ECT2L: variants seen among roughly 807,000 people sequenced by gnomAD.
ECT2L encodes epithelial cell transforming 2 like.
A neutral mutation model predicts 122.8 loss-of-function variants in ECT2L; 126 were observed. The ratio of observed to expected loss-of-function variants is 1.03; its 90% CI spans 0.89 to 1.19. The LOEUF (loss-of-function observed/expected upper bound fraction) is 1.19, where lower values mean the gene tolerates loss of function less well. Ranked by LOEUF, ECT2L falls within the 50% of genes most tolerant of loss-of-function variation. ECT2L has a pLI of 0.00. For missense variants in ECT2L, 1,012 were observed against 1,064.1 expected, an observed-to-expected ratio of 0.95 and a Z score of 0.68; for synonymous variants, 385 against 381.8, an observed-to-expected ratio of 1.01 and a Z score of -0.10.
chr6:138,900,142 T>C (rs966114056), intron 20 of ECT2L, among the ~76,000 whole-genome samples: 1 of 152,240 alleles, frequency 6.6e-6, no homozygotes, highest in Non-Finnish European at 1.5e-5. Flanking sequence ...CAATCAAAAG[T>C]AAAAATGTTT....
intron 12 of ECT2L, among the ~76,000 whole-genome samples, chr6:138,866,239 C>A (rs753874854): frequency 4.0e-5 from 6 of 151,584 alleles, no homozygotes; most frequent in Non-Finnish European, 8.8e-5. Context: ...ACCTCTGCCT[C>A]CCAGTTCAAG....
In ECT2L at chr6:138,843,016, G is replaced by A; in HGVS notation, c.380G>A (p.Trp127Ter). The change falls in exon 6 of 22, where the codon TGG becomes TAG. Residue 127 changes from tryptophan (W) to a stop codon, truncating the protein, a stop_gained. Transcript: ENST00000541398. LOFTEE classifies it high-confidence loss of function. ...LWMPKCVKFGWFLPYTPTDNE... is the reference protein window; with the variant it reads ...LWMPKCVKFG ...ATGCCCAAATGCGTTAAGTTCGGAT[G>A]GTTTCTGCCCTATACTCCAACAGAT... 6.4e-7 allele frequency: 1 copy of A among 1,571,240 alleles called. No homozygotes were observed. The highest frequency in any genetic ancestry group is 1.2e-5 in the South Asian group (1 of 85,284).
chr6:138,854,828 T>C (rs1370531584), intron 10 of ECT2L, among the ~76,000 whole-genome samples: 1 of 152,202 alleles, frequency 6.6e-6, no homozygotes, highest in Non-Finnish European at 1.5e-5. Context: ...TGATTCAAAG[T>C]TGACTTCTAT....
intron 10 of ECT2L, among the ~76,000 whole-genome samples, chr6:138,855,473 C>T (rs914143175): frequency 1.3e-5 from 2 of 152,224 alleles, no homozygotes; most frequent in South Asian, 4.1e-4. Context: ...CGCACCACTA[C>T]ACTCCAGCCT....
intron 12 of ECT2L, among the ~76,000 whole-genome samples, chr6:138,866,715 T>G (rs1320961091): frequency 6.6e-6 from 1 of 152,208 alleles, no homozygotes; most frequent in Non-Finnish European, 1.5e-5. Context: ...TAAAAATATT[T>G]TAAAAATTAA....
rs772503814 is a variant in ECT2L, at chr6:138,843,130, G to A, written c.494G>A (p.Gly165Glu). Residue 165 changes from glycine to glutamate, a missense_variant, in exon 6 of 22, where the codon GGG (glycine) becomes GAG (glutamate). Coordinates refer to ENST00000541398, the MANE Select transcript of ECT2L (RefSeq NM_001077706.3). ...CCTAGGGAGGCTGCTGCTACTTATG[G>A]GACGCTGAATGAACCCAAAACAGAA... is the stretch of plus-strand genomic sequence containing the variant. ...LTPREAAATY[G>E]TLNEPKTEDE... is the part of the protein sequence containing the mutation. 3.0e-5 allele frequency: 49 copies of A among 1,613,930 alleles called. No homozygotes were observed. Among genetic ancestry groups the A allele is most frequent in the Non-Finnish European group, 4.0e-5 (47 of 1,179,972 alleles).
chr6:138,882,749 A>G lies in ECT2L; in HGVS notation c.1906A>G (p.Arg636Gly), dbSNP rs1261848516. Residue 636 changes from arginine to glycine, a missense_variant, in exon 16 of 22, where the codon AGA becomes GGA. Coordinates refer to ENST00000541398, the MANE Select transcript of ECT2L (RefSeq NM_001077706.3). ...GCAGTTTCTAGATAACCTGAGAGAC[A>G]GACTGCAGGAATGGGGCCCAGCTCA... ...NRQFLDNLRD[R>G]LQEWGPAHCV... 6.2e-7 allele frequency: 1 copy of G among 1,614,186 alleles called. No homozygotes were observed. Among genetic ancestry groups the G allele is most frequent in the East Asian group, 2.2e-5 (1 of 44,888 alleles).
At chr6:138,851,944 G>T (rs1291171487) in intron 9 of ECT2L, among the ~76,000 whole-genome samples, 1 of 152,126 alleles carries the variant, frequency 6.6e-6, no homozygotes, top group Non-Finnish European at 1.5e-5. Flanking sequence ...CAAAGGAAAG[G>T]AATGGCTGAT....
intron 14 of ECT2L, chr6:138,878,841 AG>A (rs1455243401): frequency 2.0e-5 from 3 of 152,436 alleles, no homozygotes; most frequent in African/African-American, 7.2e-5. Context: ...CCATACCATT[AG>A]CCACTAATTT....
chr6:138,900,796 G>A (rs1779370586), intron 20 of ECT2L, 152 bp from the exon 21 acceptor site: 3 of 805,316 alleles, frequency 3.7e-6, no homozygotes, highest in African/African-American at 3.5e-5. Flanking sequence ...ACATCAGGAG[G>A]AATATTATAC....
chr6:138,817,555 C>T (rs1776111897), intron 4 of ECT2L, among the ~76,000 whole-genome samples: 1 of 152,122 alleles, frequency 6.6e-6, no homozygotes, highest in African/African-American at 2.4e-5. Context: ...TTAATTCAGT[C>T]AGTTATAAAC....
chr6:138,821,543 C>T (rs1392420725), intron 4 of ECT2L, among the ~76,000 whole-genome samples: 2 of 152,216 alleles, frequency 1.3e-5, no homozygotes, highest in Non-Finnish European at 2.9e-5. Flanking sequence ...TTGGCCTGTA[C>T]CTTGATCATG....
rs1303362621 is a variant in ECT2L at position 138,903,646 on chromosome 6, A to G, written c.*1019A>G. 2 of 152,226 alleles carry G rather than the reference A, an allele frequency of 1.3e-5. No homozygotes were observed. Among genetic ancestry groups the G allele is most frequent in the Non-Finnish European group, 2.9e-5 (2 of 68,038 alleles). The allele number at this position is 152,226 out of a possible 1,614,324, so 9.4% of individuals were successfully genotyped here. ...AAACAGCAAAACTTGCTTGTAATGAAATACAGCTGAGTAAAAATGTTTCTT... is the reference window on the plus strand; with the variant it reads ...AAACAGCAAAACTTGCTTGTAATGAGATACAGCTGAGTAAAAATGTTTCTT... On this transcript the variant is annotated 3_prime_UTR_variant, in exon 22 of 22. Transcript: ENST00000541398.
intron 1 of ECT2L, among the ~76,000 whole-genome samples, chr6:138,805,037 C>G (rs1160566432): frequency 3.3e-5 from 5 of 152,186 alleles, no homozygotes; most frequent in African/African-American, 1.2e-4. Flanking sequence ...ATCTTGACGT[C>G]TAACACTACA....
chr6:138,902,232 TTGAGAC>T (rs1779420489), intron 21 of ECT2L, among the ~76,000 whole-genome samples: 2 of 152,202 alleles, frequency 1.3e-5, no homozygotes, highest in South Asian at 4.1e-4. Flanking sequence ...TCTGGAGTGA[TTGAGAC>T]AAGGAATTAA....
intron 4 of ECT2L, among the ~76,000 whole-genome samples, chr6:138,833,290 C>T (rs1776712769): frequency 6.6e-6 from 1 of 152,164 alleles, no homozygotes; most frequent in Non-Finnish European, 1.5e-5. Flanking sequence ...ATAGATATGC[C>T]ATAACTTATC....
chr6:138,863,736 C>A (rs1466560930), intron 11 of ECT2L, among the ~76,000 whole-genome samples: 2 of 151,772 alleles, frequency 1.3e-5, no homozygotes, highest in Non-Finnish European at 2.9e-5. Flanking sequence ...CTGCCTCAGC[C>A]TCCTGAGTAG....
At chr6:138,864,047 G>A (rs1210822761) in intron 11 of ECT2L, among the ~76,000 whole-genome samples, 2 of 137,474 alleles carry the variant, frequency 1.5e-5, no homozygotes, top group Admixed American at 7.5e-5. Flanking sequence ...GTGGCCGGGC[G>A]CAGTGGCTCA....
intron 12 of ECT2L, among the ~76,000 whole-genome samples, chr6:138,866,304 T>C (rs1778036627): frequency 6.6e-6 from 1 of 152,158 alleles, no homozygotes; most frequent in Non-Finnish European, 1.5e-5. Flanking sequence ...TGCACCGCCA[T>C]GCCTGGCCAA....
Sources: gnomAD v4.1 joint callset for allele counts (sites outside exome capture counted in the v4.1 genomes callset) on GRCh38, gnomAD v4.1.1 for gene constraint, MANE v1.5 for transcripts, NCBI Gene and HGNC (gene_info 2026-07-23, HGNC 2026-07-21) for gene names.